The following DAB1 variants were observed in gnomAD, a reference collection of about 807,000 sequenced individuals.
The protein encoded by DAB1 is disabled homolog 1.
DAB1 carries 15 observed loss-of-function variants against 64.6 expected under a neutral mutation model. The observed-to-expected ratio is 0.23, with a 90% CI of 0.16 to 0.36. DAB1 has a LOEUF of 0.36. Ranked by LOEUF, DAB1 falls within the 10% of genes least tolerant of loss-of-function variation. DAB1 has a pLI of 1.00. For synonymous variants in DAB1, 235 were observed against 251.9 expected (o/e 0.93, Z 0.64); for missense variants, 596 against 706.7 (o/e 0.84, Z 1.78).
chr1:57,200,459 T>C (rs766194103), intron 2 of DAB1, among the ~76,000 whole-genome samples: 12 of 152,218 alleles, frequency 7.9e-5, no homozygotes, highest in African/African-American at 1.7e-4. Flanking sequence ...CTATGTGTTA[T>C]GTAGTATAGT....
intron 3 of DAB1, among the ~76,000 whole-genome samples, chr1:58,373,056 G>C (rs2100537366): frequency 6.6e-6 from 1 of 152,022 alleles, no homozygotes; most frequent in African/African-American, 2.4e-5. Flanking sequence ...GAAGGAACAG[G>C]AGTATTTCTT....
intron 1 of DAB1, chr1:57,867,120 C>A (rs909094953): frequency 6.6e-6 from 1 of 152,132 alleles, no homozygotes; most frequent in Non-Finnish European, 1.5e-5. Flanking sequence ...GTGTGTGATG[C>A]TTCCATGAAG....
chr1:58,497,629 C>T (rs142867207), intron 3 of DAB1, among the ~76,000 whole-genome samples: 110 of 152,068 alleles, frequency 7.2e-4, no homozygotes, highest in Non-Finnish European at 1.2e-3. Context: ...AAGAAGTTAC[C>T]GTTTTCTCAG....
At chr1:58,067,737 T>C (rs893996903) in intron 5 of DAB1, among the ~76,000 whole-genome samples, 7 of 152,218 alleles carry the variant, frequency 4.6e-5, no homozygotes, top group Admixed American at 1.3e-4. Flanking sequence ...ATCCTAGCCA[T>C]ACGTATACTA....
intron 3 of DAB1, among the ~76,000 whole-genome samples, chr1:58,347,482 C>G (rs1395406878): frequency 3.3e-5 from 5 of 152,152 alleles, no homozygotes; most frequent in Non-Finnish European, 5.9e-5. Context: ...TGTCAATTAC[C>G]ACTTCAAGAT....
At chr1:57,277,976 G>A (rs1013409918) in intron 2 of DAB1, among the ~76,000 whole-genome samples, 1 of 152,210 alleles carries the variant, frequency 6.6e-6, no homozygotes, top group Non-Finnish European at 1.5e-5. Context: ...AGTGATGATA[G>A]TCCCAAATTT....
intron 4 of DAB1, among the ~76,000 whole-genome samples, chr1:58,296,522 G>T (rs116573399): frequency 0.013 from 2,022 of 152,266 alleles, 47 homozygotes; most frequent in African/African-American, 0.047. Flanking sequence ...AGACTCCAGT[G>T]GCACATCCTG....
intron 5 of DAB1, among the ~76,000 whole-genome samples, chr1:58,020,603 G>T (rs1436711772): frequency 6.6e-6 from 1 of 152,196 alleles, no homozygotes; most frequent in Admixed American, 6.6e-5. Context: ...AAGAGGTATA[G>T]CAGGTTCTGT....
chr1:58,187,072 C>A (rs942864014), intron 4 of DAB1, among the ~76,000 whole-genome samples: 5 of 152,146 alleles, frequency 3.3e-5, no homozygotes, highest in Non-Finnish European at 7.3e-5. Flanking sequence ...TATAACCCAA[C>A]TTCATGGATT....
At chr1:57,717,273 A>G (rs1490416748) in intron 6 of DAB1, among the ~76,000 whole-genome samples, 1 of 151,832 alleles carries the variant, frequency 6.6e-6, no homozygotes, top group Non-Finnish European at 1.5e-5. Context: ...AAATAAAAAA[A>G]AAAGAAAGAA....
At chr1:58,001,971 T>C (rs1418356057) in intron 5 of DAB1, among the ~76,000 whole-genome samples, 1 of 152,174 alleles carries the variant, frequency 6.6e-6, no homozygotes, top group Non-Finnish European at 1.5e-5. Context: ...GTTGTAACGA[T>C]GTGGTCACAA....
chr1:57,591,292 T>C (rs1211187061), intron 7 of DAB1, among the ~76,000 whole-genome samples: 1 of 152,210 alleles, frequency 6.6e-6, no homozygotes, highest in African/African-American at 2.4e-5. Context: ...CAATACCTTT[T>C]TGCAGAGTGG....
In DAB1 at chr1:57,121,177, G is replaced by GGAGAAGAAA. The variant is rs1247765467; in HGVS notation, c.306+15357_306+15365dup. On this transcript the variant is annotated intron_variant, in intron 4 of 14. Coordinates refer to ENST00000371236, the MANE Select transcript of DAB1 (RefSeq NM_001365792.1). ...AGGAGGAGGAGGAGAAGGAGGAGAAGGAGAAGAAAGAGAAGAAGGAGAAGG... is the reference window on the plus strand; with the variant it reads ...AGGAGGAGGAGGAGAAGGAGGAGAAGGAGAAGAAAGAGAAGAAAGAGAAGAAGGAGAAGG... Among the ~76,000 whole-genome samples, 68 of 150,820 alleles carry GGAGAAGAAA rather than the reference G, an allele frequency of 4.5e-4. 1 individual carries two copies. Among genetic ancestry groups the GGAGAAGAAA allele is most frequent in the African/African-American group, 1.6e-3 (66 of 41,124 alleles).
At chr1:57,582,440 C>T (rs551727373) in intron 7 of DAB1, among the ~76,000 whole-genome samples, 11 of 152,234 alleles carry the variant, frequency 7.2e-5, no homozygotes, top group Non-Finnish European at 1.0e-4. Flanking sequence ...TCCCTTGACA[C>T]GTGGGGATTA....
intron 5 of DAB1, among the ~76,000 whole-genome samples, chr1:57,954,083 A>G (rs1202793): frequency 0.14 from 21,779 of 152,076 alleles, 2,194 homozygotes; most frequent in African/African-American, 0.28. Context: ...TTCACTATCA[A>G]TCCTCTTCTC....
At chr1:57,598,825 C>G (rs778842634) in intron 7 of DAB1, among the ~76,000 whole-genome samples, 5 of 152,174 alleles carry the variant, frequency 3.3e-5, no homozygotes, top group Admixed American at 2.0e-4. Flanking sequence ...AGCAGGTTTA[C>G]ATCCAGGGGC....
At chr1:57,898,883 C>T (rs944837017) in intron 5 of DAB1, among the ~76,000 whole-genome samples, 5 of 152,074 alleles carry the variant, frequency 3.3e-5, no homozygotes, top group African/African-American at 4.8e-5. Context: ...CGTGTATGCG[C>T]GTGCACACAT....
At chr1:57,510,978 A>G (rs1644398754) in intron 7 of DAB1, among the ~76,000 whole-genome samples, 1 of 152,080 alleles carries the variant, frequency 6.6e-6, no homozygotes, top group Non-Finnish European at 1.5e-5. Flanking sequence ...ACTTTTTTGA[A>G]ATAACTTCTT....
At chr1:58,151,499 AG>A (rs1654936410) in intron 4 of DAB1, among the ~76,000 whole-genome samples, 1 of 152,236 alleles carries the variant, frequency 6.6e-6, no homozygotes, top group Non-Finnish European at 1.5e-5. Context: ...TCTTTTGAGA[AG>A]TGGATAAGAC....
Sources: gnomAD v4.1 joint callset for allele counts (sites outside exome capture counted in the v4.1 genomes callset) on GRCh38, gnomAD v4.1.1 for gene constraint, MANE v1.5 for transcripts, NCBI Gene and HGNC (gene_info 2026-07-23, HGNC 2026-07-21) for gene names.